The following GCA variants were observed in gnomAD, a reference collection of about 807,000 sequenced individuals.
The protein encoded by GCA is grancalcin, EF-hand calcium-binding protein.
GCA carries 30 observed loss-of-function variants against 32.6 expected under a neutral mutation model. The ratio of observed to expected loss-of-function variants is 0.92; its 90% CI spans 0.69 to 1.25. The LOEUF is 1.25. GCA is among the 50% of genes most tolerant of loss of function. The probability of loss-of-function intolerance (pLI) is 0.00; values close to 1 mark genes in which losing one functional copy is unlikely to be tolerated. For synonymous variants in GCA, 102 were observed against 84.6 expected, an observed-to-expected ratio of 1.21 and a Z score of -1.13; for missense variants, 291 against 266.8, an observed-to-expected ratio of 1.09 and a Z score of -0.63.
chr2:162,364,180 A>G (rs1425999572), downstream of GCA, among the ~76,000 whole-genome samples: 2 of 151,572 alleles, frequency 1.3e-5, no homozygotes, highest in Non-Finnish European at 3.0e-5. Flanking sequence ...AGATACGTAC[A>G]TACAGATATT....
chr2:162,357,051 A>C (rs1481957524), intron 5 of GCA, 146 bp downstream of exon 5: 8 of 537,554 alleles, frequency 1.5e-5, no homozygotes, highest in Non-Finnish European at 2.6e-5. Flanking sequence ...GTTGTAGGTA[A>C]ATTCTGACCA....
At chr2:162,319,675 A>G (rs937831971) in intron 1 of GCA, among the ~76,000 whole-genome samples, 6 of 152,236 alleles carry the variant, frequency 3.9e-5, no homozygotes, top group Non-Finnish European at 7.3e-5. Context: ...CCTTAAGGTT[A>G]CTACTCATTC....
chr2:162,344,575 CTTGTTCCAGTAA>C, intron 1 of GCA: 1 of 489,726 alleles, frequency 2.0e-6, no homozygotes. Flanking sequence ...CCACCCTCTT[CTTGTTCCAGTAA>C]TCGTTTGTGG....
intron 3 of GCA, among the ~76,000 whole-genome samples, chr2:162,355,463 T>C (rs1339360509): frequency 6.6e-6 from 1 of 152,106 alleles, no homozygotes; most frequent in Non-Finnish European, 1.5e-5. Context: ...ATAAAATAAT[T>C]TTGAAAATTT....
chr2:162,326,759 C>T (rs1208954908), intron 1 of GCA, among the ~76,000 whole-genome samples: 1 of 152,206 alleles, frequency 6.6e-6, no homozygotes, highest in African/African-American at 2.4e-5. Flanking sequence ...CTCAGGTGAT[C>T]TGCCTGCCTT....
upstream of GCA, among the ~76,000 whole-genome samples, chr2:162,340,401 G>T (rs1684402805): frequency 6.6e-6 from 1 of 152,142 alleles, no homozygotes; most frequent in Non-Finnish European, 1.5e-5. Flanking sequence ...AAACCCTGCT[G>T]GCTATACCTT....
chr2:162,359,146 G>T lies in GCA; in HGVS notation c.557G>T (p.Arg186Leu). The stretch of plus-strand genomic sequence containing the variant: ...TATGTTGCTTGCTGTGTGAAGCTTC[G>T]AGCATTGACAGGTATTGACTATTTA... ...DDYVACCVKL[R>L]ALTDFFRKRD... The change falls in exon 6 of 8, where the codon CGA (arginine) becomes CTA (leucine). Residue 186 changes from arginine to leucine, a missense_variant. By Grantham distance (102) the Arg-to-Leu change is moderately radical. Transcript: ENST00000437150. The T allele has an allele frequency of 6.3e-7, 1 of 1,586,938 alleles. No individual in the cohort carries two copies. The highest frequency in any genetic ancestry group is 1.1e-5 in the South Asian group (1 of 90,158).
intron 1 of GCA, among the ~76,000 whole-genome samples, chr2:162,324,675 A>C (rs1372859226): frequency 6.6e-6 from 1 of 152,144 alleles, no homozygotes; most frequent in East Asian, 1.9e-4. Context: ...TAGGTCTGTG[A>C]GGGTAAAGCC....
downstream of GCA, chr2:162,373,409 T>G (rs1686036630): frequency 8.4e-7 from 1 of 1,185,036 alleles, no homozygotes; most frequent in East Asian, 2.8e-5. Flanking sequence ...TGATTCTGAT[T>G]AGGTGACCCC....
chr2:162,344,278 G>A lies in GCA; in HGVS notation c.27+3G>A, dbSNP rs1256497322. On this transcript the variant is annotated splice_donor_region_variant and intron_variant, in intron 1 of 7. Coordinates refer to ENST00000437150, the MANE Select transcript of GCA (RefSeq NM_012198.5). ...CCTACCCGGGATACGGAGGAGGGGT[G>A]AGTCCCAGCCGCTTGGTCGTGTCCC... 6.2e-7 allele frequency: 1 copy of A among 1,613,590 alleles called. No individual in the cohort carries two copies. Among genetic ancestry groups the A allele is most frequent in the East Asian group, 2.2e-5 (1 of 44,840 alleles).
At position 162,355,240 on chromosome 2, in the gene GCA, C is replaced by T. The variant is rs569254309; in HGVS notation, c.263-1198C>T. 5.9e-5 allele frequency among the ~76,000 whole-genome samples: 9 copies of T among 152,204 alleles called. No homozygotes were observed. In the East Asian group the frequency reaches 7.7e-4, roughly 13 times the overall value. Reference sequence around the variant, plus strand: ...TGTTTATGTGAAATCATGTAACACACGCCACCTTACTCATGCTAAGAACAC... The same window carrying T: ...TGTTTATGTGAAATCATGTAACACATGCCACCTTACTCATGCTAAGAACAC... On this transcript the variant is annotated intron_variant, in intron 3 of 7. Coordinates refer to ENST00000437150, the MANE Select transcript of GCA (RefSeq NM_012198.5).
intron 1 of GCA, among the ~76,000 whole-genome samples, chr2:162,337,640 C>T (rs1224808412): frequency 6.6e-6 from 1 of 152,128 alleles, no homozygotes; most frequent in Non-Finnish European, 1.5e-5. Flanking sequence ...GCTCATTATA[C>T]CCACCCATAA....
At chr2:162,321,249 AG>A (rs1683651671) in intron 1 of GCA, among the ~76,000 whole-genome samples, 1 of 152,120 alleles carries the variant, frequency 6.6e-6, no homozygotes, top group Admixed American at 6.5e-5. Flanking sequence ...TTCTTCTACT[AG>A]GTTTCATTTT....
At chr2:162,344,346 T>C (rs1684568638) in intron 1 of GCA, 71 bp downstream of exon 1, 1 of 1,476,540 alleles carries the variant, frequency 6.8e-7, no homozygotes, top group South Asian at 1.2e-5. Context: ...GGTGCCAACG[T>C]GCGGGTCCGC....
chr2:162,375,307 A>G (rs928207260), downstream of GCA, among the ~76,000 whole-genome samples: 1 of 152,234 alleles, frequency 6.6e-6, no homozygotes, highest in Non-Finnish European at 1.5e-5. Context: ...AGATCCAAAA[A>G]TGAGTCAAAA....
chr2:162,371,409 G>A (rs929925108), exon 5 of GCA: 1 of 1,289,352 alleles, frequency 7.8e-7, no homozygotes. Flanking sequence ...GAATTCCCAT[G>A]AGTTGAGGAT....
chr2:162,349,722 C>G (rs2105321508), intron 2 of GCA, among the ~76,000 whole-genome samples: 1 of 152,156 alleles, frequency 6.6e-6, no homozygotes, highest in South Asian at 2.1e-4. Flanking sequence ...GTGGATGGTT[C>G]TGGGACAGGC....
At chr2:162,320,527 A>G (rs1204793183) in intron 1 of GCA, among the ~76,000 whole-genome samples, 3 of 152,210 alleles carry the variant, frequency 2.0e-5, no homozygotes. Context: ...CTGACTGAAT[A>G]TGGGGAACCA....
chr2:162,339,481 C>G (rs1222879904), upstream of GCA, among the ~76,000 whole-genome samples: 1 of 152,092 alleles, frequency 6.6e-6, no homozygotes, highest in Non-Finnish European at 1.5e-5. Context: ...TCAAGTGTCT[C>G]TTTTTTCAAC....
Sources: allele counts gnomAD v4.1 joint callset (sites outside exome capture counted in the v4.1 genomes callset), GRCh38; gene constraint gnomAD v4.1.1; transcripts MANE v1.5; gene names NCBI Gene and HGNC (gene_info 2026-07-23, HGNC 2026-07-21).